The following TRAPPC9 variants were observed in gnomAD, a reference collection of about 807,000 sequenced individuals.
The protein encoded by TRAPPC9 is trafficking protein particle complex subunit 9.
Under a neutral mutation model 124.0 loss-of-function variants are expected in TRAPPC9, and 83 were observed. The ratio of observed to expected loss-of-function variants is 0.67; its 90% CI spans 0.56 to 0.80. TRAPPC9 has a LOEUF of 0.80. Among genes scored for constraint, TRAPPC9 ranks in the 30% least tolerant of loss-of-function variants. TRAPPC9 has a pLI of 0.00. For synonymous variants in TRAPPC9, 638 were observed against 617.5 expected (o/e 1.03, Z -0.49); for missense variants, 1,302 against 1,508.3 (o/e 0.86, Z 2.27).
At chr8:140,219,719 G>T (rs973718130) in intron 17 of TRAPPC9, among the ~76,000 whole-genome samples, 1 of 152,132 alleles carries the variant, frequency 6.6e-6, no homozygotes, top group Admixed American at 6.5e-5. Flanking sequence ...TCATGGGTCT[G>T]CTACTATACA....
chr8:140,078,149 A>G (rs937180318), intron 17 of TRAPPC9, among the ~76,000 whole-genome samples: 1 of 152,238 alleles, frequency 6.6e-6, no homozygotes, highest in African/African-American at 2.4e-5. Flanking sequence ...AACCTGTTCC[A>G]AACCATCTCT....
intron 5 of TRAPPC9, among the ~76,000 whole-genome samples, chr8:140,419,640 C>T (rs979471348): frequency 2.6e-5 from 4 of 151,768 alleles, no homozygotes; most frequent in Non-Finnish European, 5.9e-5. Context: ...AATTCCAACA[C>T]TTTGGGAGGC....
chr8:139,995,396 G>C (rs1160394890), intron 18 of TRAPPC9, among the ~76,000 whole-genome samples: 1 of 152,178 alleles, frequency 6.6e-6, no homozygotes, highest in African/African-American at 2.4e-5. Context: ...AACCACAGGA[G>C]ATAATGACAT....
intron 17 of TRAPPC9, among the ~76,000 whole-genome samples, chr8:140,217,608 TG>T (rs2063226995): frequency 1.6e-5 from 1 of 62,880 alleles, no homozygotes; most frequent in Non-Finnish European, 7.2e-5. Flanking sequence ...TACAGACACA[TG>T]TAAACACCTG....
Position 140,039,593 on chromosome 8 carries a change from G to C in TRAPPC9, c.2557-15514C>G, listed in dbSNP as rs1384915730. Among the ~76,000 whole-genome samples the C allele has an allele frequency of 3.9e-5, 6 of 152,206 alleles. No individual in the cohort carries two copies. In the East Asian group the frequency reaches 7.7e-4, roughly 20 times the overall value. ...CCTGTGTTCTAGTCATTAAGCCATG[G>C]AGTACACTTGACTTTTTCTTCTTCG... On this transcript the variant is annotated intron_variant, in intron 17 of 22. Coordinates refer to ENST00000438773, the MANE Select transcript of TRAPPC9 (RefSeq NM_001160372.4).
intron 21 of TRAPPC9, among the ~76,000 whole-genome samples, chr8:139,794,343 A>G (rs1822903093): frequency 6.6e-6 from 1 of 152,090 alleles, no homozygotes; most frequent in African/African-American, 2.4e-5. Context: ...AACCTCAGGT[A>G]CTCGCCTGCA....
At chr8:139,739,683 C>T (rs1818431246) in intron 21 of TRAPPC9, among the ~76,000 whole-genome samples, 1 of 152,254 alleles carries the variant, frequency 6.6e-6, no homozygotes, top group Admixed American at 6.5e-5. Context: ...CTGCCCCTGC[C>T]AGCCACTCGG....
chr8:139,882,597 G>A (rs141496736), intron 21 of TRAPPC9, among the ~76,000 whole-genome samples: 93 of 152,226 alleles, frequency 6.1e-4, no homozygotes, highest in African/African-American at 2.2e-3. Flanking sequence ...ATGCATCTGC[G>A]CAGGCCTGGT....
chr8:140,443,808 G>A (rs960947249), intron 2 of TRAPPC9, among the ~76,000 whole-genome samples: 5 of 148,982 alleles, frequency 3.4e-5, no homozygotes, highest in Admixed American at 1.3e-4. Flanking sequence ...AGGCCGAGGC[G>A]GGCAGATCAC....
At chr8:140,424,242 C>G (rs1357819258) in intron 5 of TRAPPC9, among the ~76,000 whole-genome samples, 1 of 151,738 alleles carries the variant, frequency 6.6e-6, no homozygotes, top group Non-Finnish European at 1.5e-5. Context: ...AGAAACTCTC[C>G]TCCACATGAA....
chr8:140,236,223 T>C (rs6578085), intron 16 of TRAPPC9, among the ~76,000 whole-genome samples: 109,009 of 151,510 alleles, frequency 0.72, 39,379 homozygotes, highest in Admixed American at 0.78. Context: ...GCTGGGATTA[T>C]AAGCGTGTGC....
chr8:140,303,861 A>G (rs2066048806), intron 10 of TRAPPC9, among the ~76,000 whole-genome samples: 2 of 152,250 alleles, frequency 1.3e-5, no homozygotes, highest in South Asian at 4.1e-4. Context: ...AAGGGAAAAG[A>G]AAATGGCTCT....
intron 21 of TRAPPC9, among the ~76,000 whole-genome samples, chr8:139,761,875 GCTT>G (rs937201003): frequency 2.6e-5 from 4 of 151,560 alleles, no homozygotes; most frequent in Non-Finnish European, 5.9e-5. Flanking sequence ...GTGTGCATCT[GCTT>G]CTTCTGCTTG....
rs199623517 is a variant in TRAPPC9 at position 140,283,939 on chromosome 8, C to A, written c.2064G>T (p.Val688=). The change falls in exon 14 of 23, where the codon GTG becomes GTT. Residue 688 remains valine, a synonymous_variant. Transcript: ENST00000438773. The part of the protein sequence containing the change: ...LPGIKTSGST[V]EVIPALPRLQ... ...GTCTTGGCAACGCGGGAATGACTTC[C>A]ACTGTGGAGCCACTGGTTTTTATTC... is the stretch of plus-strand genomic sequence containing the variant. The A allele has an allele frequency of 9.9e-6, 16 of 1,614,156 alleles. No individual in the cohort carries two copies. Among genetic ancestry groups the A allele is most frequent in the African/African-American group, 1.3e-5 (1 of 75,032 alleles).
chr8:139,754,959 G>A (rs936954095), intron 21 of TRAPPC9, among the ~76,000 whole-genome samples: 11 of 152,238 alleles, frequency 7.2e-5, no homozygotes, highest in African/African-American at 2.7e-4. Context: ...CAGGAGCTGT[G>A]CGGCACACGG....
intron 7 of TRAPPC9, among the ~76,000 whole-genome samples, chr8:140,382,006 A>G (rs2068624407): frequency 1.3e-5 from 2 of 152,360 alleles, no homozygotes; most frequent in South Asian, 4.1e-4. Flanking sequence ...CTTTGTTCCC[A>G]CAAAATACAT....
At chr8:140,166,864 T>G (rs2061847342) in intron 17 of TRAPPC9, among the ~76,000 whole-genome samples, 1 of 152,222 alleles carries the variant, frequency 6.6e-6, no homozygotes, top group South Asian at 2.1e-4. Flanking sequence ...GGCCTAGGCC[T>G]GACATGTTGC....
At position 139,913,116 on chromosome 8, in the gene TRAPPC9, C is replaced by T. The variant is rs907762688; in HGVS notation, c.2811-2816G>A. 1.3e-4 allele frequency among the ~76,000 whole-genome samples: 20 copies of T among 152,214 alleles called. 1 individual carries two copies. The highest frequency in any genetic ancestry group is 4.6e-4 in the African/African-American group (19 of 41,452). On this transcript the variant is annotated intron_variant, in intron 19 of 22. Coordinates refer to ENST00000438773, the MANE Select transcript of TRAPPC9 (RefSeq NM_001160372.4). ...GATGCTGCGGCCACTGGAACTACAA[C>T]GGTGTGATATCTAATCTGGGGGTAT...
intron 19 of TRAPPC9, among the ~76,000 whole-genome samples, chr8:139,968,127 C>CGACA (rs1220546828): frequency 6.7e-6 from 1 of 148,714 alleles, no homozygotes; most frequent in Non-Finnish European, 1.5e-5. Context: ...CCAGCCTGGG[C>CGACA]GACAGAGCAA....
Sources: allele counts gnomAD v4.1 joint callset (sites outside exome capture counted in the v4.1 genomes callset), GRCh38; gene constraint gnomAD v4.1.1; transcripts MANE v1.5; gene names NCBI Gene and HGNC (gene_info 2026-07-23, HGNC 2026-07-21).